The following SYF2 variants were observed in gnomAD, a reference collection of about 807,000 sequenced individuals.
The protein encoded by SYF2 is pre-mRNA-splicing factor SYF2.
Under a neutral mutation model 32.7 loss-of-function variants are expected in SYF2, and 21 were observed. That is an observed-to-expected ratio of 0.64 (90% CI 0.45 to 0.92). The LOEUF (loss-of-function observed/expected upper bound fraction) is 0.92, where lower values mean the gene tolerates loss of function less well. Among genes scored for constraint, SYF2 ranks in the 40% least tolerant of loss-of-function variants. The probability of loss-of-function intolerance (pLI) is 0.00; values close to 1 mark genes in which losing one functional copy is unlikely to be tolerated. For missense variants in SYF2, 278 were observed against 296.5 expected, an observed-to-expected ratio of 0.94 and a Z score of 0.46; for synonymous variants, 114 against 103.9, an observed-to-expected ratio of 1.10 and a Z score of -0.59.
At chr1:25,226,777 G>A (rs1490670693) in intron 5 of SYF2, among the ~76,000 whole-genome samples, 1 of 152,082 alleles carries the variant, frequency 6.6e-6, no homozygotes, top group Non-Finnish European at 1.5e-5. Flanking sequence ...TTGAGGCCAG[G>A]AGTTTGAGAC....
chr1:25,224,912 C>T (rs1638475102), intron 6 of SYF2, 90 bp downstream of exon 6: 19 of 960,434 alleles, frequency 2.0e-5, no homozygotes, highest in Non-Finnish European at 3.0e-5. Flanking sequence ...CTTTTGAATT[C>T]ATTCTAAGCA....
At chr1:25,226,872 TG>T (rs1269892955) in intron 5 of SYF2, among the ~76,000 whole-genome samples, 3 of 151,816 alleles carry the variant, frequency 2.0e-5, no homozygotes, top group Non-Finnish European at 4.4e-5. Flanking sequence ...TCCTAGCTAC[TG>T]GGGAGGCTGA....
intron 5 of SYF2, among the ~76,000 whole-genome samples, chr1:25,226,610 T>TTAGAATGCCCAGTTA (rs1638513978): frequency 6.6e-6 from 1 of 152,238 alleles, no homozygotes; most frequent in African/African-American, 2.4e-5. Context: ...ACAACCAGTC[T>TTAGAATGCCCAGTTA]TAGAATGCCC....
chr1:25,224,939 A>G, intron 6 of SYF2, 63 bp downstream of exon 6: 2 of 1,130,896 alleles, frequency 1.8e-6, no homozygotes, highest in Non-Finnish European at 2.7e-6. Context: ...ATATAGGTGC[A>G]TATTCTAAGT....
chr1:25,229,528 A>G (rs1350810551), intron 2 of SYF2, among the ~76,000 whole-genome samples: 4 of 152,136 alleles, frequency 2.6e-5, no homozygotes, highest in Non-Finnish European at 5.9e-5. Context: ...TAATCCTAGC[A>G]CTTTGGGAGG....
rs150241381 is a variant in SYF2 at position 25,226,127 on chromosome 1, G to A, written c.468-1027C>T. ...TGCACCACTGCACTCCAGCCTGGGC[G>A]ACAGAGCGAGATTCTATCTCAAAAA... On this transcript the variant is annotated intron_variant, in intron 5 of 6. Transcript: ENST00000236273. 3.4e-4 allele frequency among the ~76,000 whole-genome samples: 51 copies of A among 151,614 alleles called. 1 individual carries two copies. The highest frequency in any genetic ancestry group is 3.7e-4 in the Non-Finnish European group (25 of 67,958).
At chr1:25,228,902 G>C (rs925862727) in intron 3 of SYF2, 96 bp downstream of exon 3, 1 of 1,436,956 alleles carries the variant, frequency 7.0e-7, no homozygotes, top group African/African-American at 1.5e-5. Flanking sequence ...CTGGCAGCTT[G>C]GCCTAAGAGC....
intron 6 of SYF2, among the ~76,000 whole-genome samples, chr1:25,223,936 G>A (rs1638456545): frequency 6.6e-6 from 1 of 152,128 alleles, no homozygotes; most frequent in African/African-American, 2.4e-5. Flanking sequence ...GCTCATGCCT[G>A]TAACCCCAGC....
At chr1:25,223,534 T>C in intron 6 of SYF2, 103 bp from the exon 7 acceptor site, 1 of 1,167,084 alleles carries the variant, frequency 8.6e-7, no homozygotes, top group Admixed American at 2.3e-5. Flanking sequence ...ATAGCACATG[T>C]TGTGAGGGCT....
chr1:25,224,957 G>C (rs1638476058), intron 6 of SYF2, 45 bp downstream of exon 6: 2 of 1,330,276 alleles, frequency 1.5e-6, no homozygotes, highest in Non-Finnish European at 2.2e-6. Flanking sequence ...AGTGCATTTT[G>C]TCATGAAGTA....
intron 1 of SYF2, 68 bp from the exon 2 acceptor site, chr1:25,232,279 C>A (rs1638648829): frequency 1.3e-6 from 2 of 1,576,480 alleles, no homozygotes; most frequent in African/African-American, 2.7e-5. Context: ...CAGGCCGAGT[C>A]CCCGCCGGTC....
chr1:25,226,307 T>C (rs1294264747), intron 5 of SYF2, among the ~76,000 whole-genome samples: 3 of 152,186 alleles, frequency 2.0e-5, no homozygotes, highest in Admixed American at 6.6e-5. Flanking sequence ...GGAACAGAGC[T>C]GGGATTAGAG....
At chr1:25,224,010 A>G (rs1638458112) in intron 6 of SYF2, among the ~76,000 whole-genome samples, 1 of 152,162 alleles carries the variant, frequency 6.6e-6, no homozygotes, top group South Asian at 2.1e-4. Context: ...CCTGGTCAAC[A>G]TGACGAAACC....
chr1:25,228,179 T>C lies in SYF2; in HGVS notation c.315A>G (p.Ala105=), dbSNP rs1638552097. 1 of 1,613,814 alleles carries C rather than the reference T, an allele frequency of 6.2e-7. No homozygotes were observed. Among genetic ancestry groups the C allele is most frequent in the Admixed American group, 1.7e-5 (1 of 60,008 alleles). The change falls in exon 4 of 7, where the codon GCA becomes GCG. Residue 105 remains alanine, a synonymous_variant. Coordinates refer to ENST00000236273, the MANE Select transcript of SYF2 (RefSeq NM_015484.5). ...YEKVKLLEIS[A]EDAERWERKK... ...TCCTCTCCCATCTTTCTGCATCTTCTGCACTGATCTCCAGCAACTTCACTT... is the reference window on the plus strand; with the variant it reads ...TCCTCTCCCATCTTTCTGCATCTTCCGCACTGATCTCCAGCAACTTCACTT...
At chr1:25,225,395 A>C (rs1008460384) in intron 5 of SYF2, among the ~76,000 whole-genome samples, 4 of 151,278 alleles carry the variant, frequency 2.6e-5, no homozygotes, top group African/African-American at 7.3e-5. Context: ...GGGCGTGGTG[A>C]CACACACCTG....
rs992993026 is a variant in SYF2 at position 25,222,517 on chromosome 1, T to C, written c.*749A>G. ...AGCAGGACTGGCCATGAGTTAATGA[T>C]TGTTGAACAGGGTACTGGGTATATG... On this transcript the variant is annotated 3_prime_UTR_variant, in exon 7 of 7. Coordinates refer to ENST00000236273, the MANE Select transcript of SYF2 (RefSeq NM_015484.5). Among the ~76,000 whole-genome samples the C allele has an allele frequency of 4.6e-5, 7 of 151,978 alleles. No individual in the cohort carries two copies. The highest frequency in any genetic ancestry group is 2.9e-5 in the Non-Finnish European group (2 of 68,012).
At position 25,232,182 on chromosome 1, in the gene SYF2, G is replaced by C. The variant is rs1053131886; in HGVS notation, c.54C>G (p.Ser18=). Reference sequence around the variant, plus strand: ...CGGCCAGCTCCGCCGCCGCAGCGAGGGACCCCTCCTCCGCGCTGTCCACCA... The same window carrying C: ...CGGCCAGCTCCGCCGCCGCAGCGAGCGACCCCTCCTCCGCGCTGTCCACCA... ...EVLVDSAEEG[S]LAAAAELAAQ... is the part of the protein sequence containing the mutation. The change falls in exon 2 of 7, where the codon TCC becomes TCG. Residue 18 remains serine, a synonymous_variant. Transcript: ENST00000236273. The C allele has an allele frequency of 6.2e-7, 1 of 1,613,822 alleles. No homozygotes were observed. Among genetic ancestry groups the C allele is most frequent in the African/African-American group, 1.3e-5 (1 of 74,938 alleles).
chr1:25,228,519 G>T (rs922667032), intron 3 of SYF2, among the ~76,000 whole-genome samples: 2 of 152,158 alleles, frequency 1.3e-5, no homozygotes, highest in African/African-American at 4.8e-5. Flanking sequence ...ATTTTTAGTA[G>T]AGATGGGGTT....
intron 6 of SYF2, 93 bp downstream of exon 6, chr1:25,224,909 A>T: frequency 1.1e-6 from 1 of 948,734 alleles, no homozygotes; most frequent in Non-Finnish European, 1.7e-6. Context: ...TATCTTTTGA[A>T]TTCATTCTAA....
Sources: gnomAD v4.1 joint callset for allele counts (sites outside exome capture counted in the v4.1 genomes callset) on GRCh38, gnomAD v4.1.1 for gene constraint, MANE v1.5 for transcripts, NCBI Gene and HGNC (gene_info 2026-07-23, HGNC 2026-07-21) for gene names.